The following TMBIM4 variants were observed in gnomAD, a reference collection of about 807,000 sequenced individuals.
TMBIM4 encodes the protein transmembrane BAX inhibitor motif containing 4.
In TMBIM4, 28 loss-of-function variants were observed where a neutral mutation model predicts 27.7. That is an observed-to-expected ratio of 1.01 (90% CI 0.75 to 1.38). The LOEUF (loss-of-function observed/expected upper bound fraction) is 1.38, where lower values mean the gene tolerates loss of function less well. TMBIM4 is among the 40% of genes most tolerant of loss of function. TMBIM4 has a pLI of 0.00. For synonymous variants in TMBIM4, 115 were observed against 113.1 expected (o/e 1.02, Z -0.11); for missense variants, 265 against 277.5 (o/e 0.95, Z 0.32).
chr12:66,146,503 G>C (rs1361177384), intron 4 of TMBIM4, among the ~76,000 whole-genome samples: 1 of 152,108 alleles, frequency 6.6e-6, no homozygotes, highest in Non-Finnish European at 1.5e-5. Flanking sequence ...ACCCTGCAGA[G>C]GACAGAAACC....
chr12:66,150,471 G>C (rs2051827551), intron 3 of TMBIM4, among the ~76,000 whole-genome samples: 1 of 148,990 alleles, frequency 6.7e-6, no homozygotes, highest in South Asian at 2.2e-4. Context: ...CTGGAGGGCA[G>C]TGGCGCAATC....
chr12:66,138,807 C>A, intron 5 of TMBIM4, 38 bp from the exon 6 acceptor site: 1 of 1,458,546 alleles, frequency 6.9e-7, no homozygotes, highest in South Asian at 1.5e-5. Flanking sequence ...CAATATTGTT[C>A]CTTACAAAAA....
intron 5 of TMBIM4, among the ~76,000 whole-genome samples, chr12:66,143,179 A>C (rs2051695672): frequency 1.3e-5 from 2 of 152,204 alleles, no homozygotes; most frequent in African/African-American, 4.8e-5. Flanking sequence ...ATTCTGCCTA[A>C]GTTGTTAGTT....
At chr12:66,169,404 G>A (rs988443930) in intron 1 of TMBIM4, 6 of 575,728 alleles carry the variant, frequency 1.0e-5, no homozygotes, top group Non-Finnish European at 1.8e-5. Context: ...AGCACAGGAC[G>A]GTAAATATAA....
At chr12:66,154,284 T>C (rs747225835) in intron 1 of TMBIM4, among the ~76,000 whole-genome samples, 1 of 152,200 alleles carries the variant, frequency 6.6e-6, no homozygotes, top group African/African-American at 2.4e-5. Context: ...TGAGGAACCC[T>C]AAACATACCA....
rs59822799 is a variant in TMBIM4 at position 66,166,464 on chromosome 12, C to CA, written c.97+3390dup. 4.4e-3 allele frequency among the ~76,000 whole-genome samples: 445 copies of CA among 100,384 alleles called. 1 individual carries two copies. Among genetic ancestry groups the CA allele is most frequent in the Admixed American group, 6.0e-3 (53 of 8,864 alleles). The allele number at this position is 100,384 out of a possible 152,430, so 65.9% of individuals were successfully genotyped here. A position where few individuals can be genotyped will look rare whatever the true frequency, so the allele number is the denominator to read the frequency against. On this transcript the variant is annotated intron_variant, in intron 1 of 6. Transcript: ENST00000358230. Reference sequence around the variant, plus strand: ...TGAGAGACAGAGTGATACTTTGTCTCAAAAAAAAAAAAAAAAAAAAGAAAA... The same window carrying CA: ...TGAGAGACAGAGTGATACTTTGTCTCAAAAAAAAAAAAAAAAAAAAAGAAAA...
In TMBIM4 at chr12:66,152,267, TCA is replaced by T; in HGVS notation, c.312+2_312+3del. 1 of 1,556,754 alleles carries T rather than the reference TCA, an allele frequency of 6.4e-7. No individual in the cohort carries two copies. Among genetic ancestry groups the T allele is most frequent in the East Asian group, 2.3e-5 (1 of 42,786 alleles). On this transcript the variant is annotated splice_donor_variant and splice_donor_region_variant and intron_variant, in intron 3 of 6. Coordinates refer to ENST00000358230, the MANE Select transcript of TMBIM4 (RefSeq NM_016056.4). LOFTEE classifies it high-confidence loss of function. The stretch of plus-strand genomic sequence containing the variant: ...AAGGGAATAGAGAAAGTCAGAGTAC[TCA>T]CAAATCCAAAAAGTAGGTACAGGTT...
chr12:66,161,783 C>A (rs1006299592), intron 1 of TMBIM4, among the ~76,000 whole-genome samples: 9 of 152,248 alleles, frequency 5.9e-5, no homozygotes, highest in Non-Finnish European at 1.3e-4. Context: ...AAAATTAATT[C>A]TTTCCTTAAA....
intron 6 of TMBIM4, 163 bp from the exon 7 acceptor site, chr12:66,138,329 T>C: frequency 2.0e-6 from 2 of 978,428 alleles, no homozygotes; most frequent in Non-Finnish European, 2.4e-6. Context: ...AAGTCCAAAC[T>C]TGCCTCTGTT....
chr12:66,152,668 T>G (rs1222256934), intron 2 of TMBIM4, among the ~76,000 whole-genome samples: 1 of 152,060 alleles, frequency 6.6e-6, no homozygotes, highest in Non-Finnish European at 1.5e-5. Context: ...AGTATACTAA[T>G]ATTATACAAT....
rs374821499 is a variant in TMBIM4, at chr12:66,153,486, C to T, written c.98-38G>A. 147 of 1,246,426 alleles carry T rather than the reference C, an allele frequency of 1.2e-4. 1 individual carries two copies. The highest frequency in any genetic ancestry group is 3.1e-5 in the African/African-American group (2 of 65,444). The allele number at this position is 1,246,426 out of a possible 1,614,324, so 77.2% of individuals were successfully genotyped here. Reference sequence around the variant, plus strand: ...AAAAATTACATTACTATTTTCTTAACCATTTATCATAGAACAGTAAAATCA... The same window carrying T: ...AAAAATTACATTACTATTTTCTTAATCATTTATCATAGAACAGTAAAATCA... On this transcript the variant is annotated intron_variant, in intron 1 of 6. Transcript: ENST00000358230.
Position 66,169,193 on chromosome 12 carries a change from G to A in TMBIM4, c.97+662C>T, listed in dbSNP as rs193187963. ...CGATCAAATGACCAAACTAGAGCAG[G>A]CAATGGCTTCCACGTAGATGAAGCT... is the stretch of plus-strand genomic sequence containing the variant. On this transcript the variant is annotated intron_variant, in intron 1 of 6. Transcript: ENST00000358230. 1.2e-4 allele frequency: 83 copies of A among 685,396 alleles called. No individual in the cohort carries two copies. In the East Asian group the frequency reaches 1.7e-3, roughly 14 times the overall value. The allele number at this position is 685,396 out of a possible 1,614,324, so 42.5% of individuals were successfully genotyped here.
At chr12:66,152,654 A>C (rs2051865861) in intron 2 of TMBIM4, among the ~76,000 whole-genome samples, 1 of 152,042 alleles carries the variant, frequency 6.6e-6, no homozygotes, top group African/African-American at 2.4e-5. Flanking sequence ...TAATGTTTGC[A>C]ATTAGTATAC....
chr12:66,155,092 GC>G (rs1403265296), intron 1 of TMBIM4, among the ~76,000 whole-genome samples: 1 of 152,156 alleles, frequency 6.6e-6, no homozygotes, highest in African/African-American at 2.4e-5. Flanking sequence ...TTTCATAAAA[GC>G]AGAGTAAAGA....
intron 4 of TMBIM4, among the ~76,000 whole-genome samples, chr12:66,146,738 AG>A (rs11309905): frequency 1 from 152,236 of 152,236 alleles, 76,118 homozygotes; most frequent in Non-Finnish European, 1. Flanking sequence ...TTAATTTTTC[AG>A]GGGAGTAATT....
In TMBIM4 at chr12:66,161,546, T is replaced by G. The variant is rs187949870; in HGVS notation, c.98-8098A>C. On this transcript the variant is annotated intron_variant, in intron 1 of 6. Transcript: ENST00000358230. ...CCACACCCAGCCACTTCATTTATTT[T>G]TATTTGGTGGAGCATTTTTAACCTT... is the stretch of plus-strand genomic sequence containing the variant. 2.8e-4 allele frequency among the ~76,000 whole-genome samples: 42 copies of G among 152,344 alleles called. No individual in the cohort carries two copies. In the East Asian group the frequency reaches 5.4e-3, roughly 20 times the overall value.
chr12:66,136,086 A>AAG lies in TMBIM4; in HGVS notation c.*1873_*1874insCT, dbSNP rs1262035062. ...AAAAATAAATTAAAAAAAAAAAAAA[A>AAG]AAAAAAAAAAGAAAATGGTATTAAT... is the stretch of plus-strand genomic sequence containing the variant. On this transcript the variant is annotated 3_prime_UTR_variant, in exon 7 of 7. Transcript: ENST00000358230. 3 of 147,824 alleles carry AAG rather than the reference A, an allele frequency of 2.0e-5. 1 individual carries two copies. The highest frequency in any genetic ancestry group is 4.3e-4 in the South Asian group (2 of 4,610). 9.2% of individuals were successfully genotyped at this position (147,824 alleles called of 1,614,324 possible). A position where few individuals can be genotyped will look rare whatever the true frequency, so the allele number is the denominator to read the frequency against.
chr12:66,148,816 G>GAT (rs2051793429), intron 3 of TMBIM4, among the ~76,000 whole-genome samples: 2 of 152,264 alleles, frequency 1.3e-5, no homozygotes, highest in South Asian at 2.1e-4. Context: ...CTAAATAAAA[G>GAT]ACTTGGGGAT....
chr12:66,140,850 C>T lies in TMBIM4; in HGVS notation c.465-2081G>A, dbSNP rs562034949. On this transcript the variant is annotated intron_variant, in intron 5 of 6. Coordinates refer to ENST00000358230, the MANE Select transcript of TMBIM4 (RefSeq NM_016056.4). ...ATATTTTAATCAAATTACTGCAAAC[C>T]AGTGATAAAGAAAAAATGGTAAAAG... Among the ~76,000 whole-genome samples, 43 of 152,030 alleles carry T rather than the reference C, an allele frequency of 2.8e-4. 1 individual carries two copies. The highest frequency in any genetic ancestry group is 2.9e-5 in the Non-Finnish European group (2 of 67,978).
Sources: gnomAD v4.1 joint callset for allele counts (sites outside exome capture counted in the v4.1 genomes callset) on GRCh38, gnomAD v4.1.1 for gene constraint, MANE v1.5 for transcripts, NCBI Gene and HGNC (gene_info 2026-07-23, HGNC 2026-07-21) for gene names.